GTSE1: variants seen among roughly 807,000 people sequenced by gnomAD.
GTSE1 encodes G2 and S phase-expressed protein 1.
A neutral mutation model predicts 60.5 loss-of-function variants in GTSE1; 52 were observed. The ratio of observed to expected loss-of-function variants is 0.86; its 90% CI spans 0.69 to 1.08. The LOEUF (loss-of-function observed/expected upper bound fraction) is 1.08, where lower values mean the gene tolerates loss of function less well. Among genes scored for constraint, GTSE1 ranks in the 50% least tolerant of loss-of-function variants. The probability of loss-of-function intolerance (pLI) is 0.00; values close to 1 mark genes in which losing one functional copy is unlikely to be tolerated. For missense variants in GTSE1, 937 were observed against 961.8 expected, an observed-to-expected ratio of 0.97 and a Z score of 0.34; for synonymous variants, 368 against 386.5, an observed-to-expected ratio of 0.95 and a Z score of 0.56.
In GTSE1 at chr22:46,316,282, T is replaced by C; in HGVS notation, c.1302T>C (p.Ser434=). 1 of 1,613,960 alleles carries C rather than the reference T, an allele frequency of 6.2e-7. No homozygotes were observed. Among genetic ancestry groups the C allele is most frequent in the South Asian group, 1.1e-5 (1 of 91,092 alleles). ...GTGGCGGCCAGTGGCTGAACTCCAG[T>C]TGCGCTTGGTCAGAATCTTCTCAAT... is the stretch of plus-strand genomic sequence containing the variant. ...PEGGGQWLNS[S]CAWSESSQLN... The change falls in exon 7 of 12, where the codon AGT becomes AGC. Residue 434 remains serine, a synonymous_variant. Coordinates refer to ENST00000454366, the MANE Select transcript of GTSE1 (RefSeq NM_016426.7). This position sits in a 1 kb window ranked among gnomAD's most constrained non-coding sequence, Gnocchi z 5.0.
intron 2 of GTSE1, among the ~76,000 whole-genome samples, chr22:46,301,680 G>A (rs2077690071): frequency 6.6e-6 from 1 of 151,676 alleles, no homozygotes; most frequent in African/African-American, 2.4e-5. Flanking sequence ...GTAAAGATGA[G>A]GTTTCACCAT....
At chr22:46,305,127 T>G (rs745987176) in intron 2 of GTSE1, among the ~76,000 whole-genome samples, 2 of 152,228 alleles carry the variant, frequency 1.3e-5, no homozygotes, top group Non-Finnish European at 2.9e-5. Context: ...TCTGGAGTGA[T>G]GTAAATAGTA....
chr22:46,314,784 G>A lies in GTSE1; in HGVS notation c.1051+771G>A, dbSNP rs12170055. Among the ~76,000 whole-genome samples, 7,585 of 150,416 alleles carry A rather than the reference G, an allele frequency of 0.05. 647 individuals carry two copies. Among genetic ancestry groups the A allele is most frequent in the African/African-American group, 0.18 (7,168 of 40,816 alleles). ...CCAGCTACTCGGGAGACTGGGCCAC[G>A]AGAATGGCTTGAACGCGGGAGGCAG... On this transcript the variant is annotated intron_variant, in intron 6 of 11. Coordinates refer to ENST00000454366, the MANE Select transcript of GTSE1 (RefSeq NM_016426.7). This position sits in a 1 kb window ranked among gnomAD's most constrained non-coding sequence, Gnocchi z 7.1.
intron 2 of GTSE1, among the ~76,000 whole-genome samples, chr22:46,301,699 G>C (rs1403910950): frequency 4.0e-5 from 6 of 151,858 alleles, no homozygotes. Context: ...ATGTTGGCCA[G>C]GCTGGTCTCG....
chr22:46,297,349 A>C lies in GTSE1; in HGVS notation c.-21-31A>C. The C allele has an allele frequency of 8.2e-7, 1 of 1,226,778 alleles. No homozygotes were observed. 76.0% of individuals were successfully genotyped at this position (1,226,778 alleles called of 1,614,324 possible). A position where few individuals can be genotyped will look rare whatever the true frequency, so the allele number is the denominator to read the frequency against. On this transcript the variant is annotated intron_variant, in intron 1 of 11. Coordinates refer to ENST00000454366, the MANE Select transcript of GTSE1 (RefSeq NM_016426.7). This position sits in a 1 kb window ranked among gnomAD's most constrained non-coding sequence, Gnocchi z 4.9. ...GCCGGAGCCCTGGGCCCTGACACGTACTCACTTTCTGGCCCCGTTCCACCC... is the reference window on the plus strand; with the variant it reads ...GCCGGAGCCCTGGGCCCTGACACGTCCTCACTTTCTGGCCCCGTTCCACCC...
rs2077845910 is a variant in GTSE1, at chr22:46,326,606, T to C, written c.1676T>C (p.Val559Ala). 1 of 1,613,452 alleles carries C rather than the reference T, an allele frequency of 6.2e-7. No homozygotes were observed. Among genetic ancestry groups the C allele is most frequent in the African/African-American group, 1.3e-5 (1 of 74,928 alleles). The change falls in exon 9 of 12, where the codon GTG (valine) becomes GCG (alanine). Residue 559 changes from valine (V) to alanine (A), a missense_variant. Coordinates refer to ENST00000454366, the MANE Select transcript of GTSE1 (RefSeq NM_016426.7). The part of the protein sequence containing the change: ...MPRAVGSPLC[V>A]PARRRSSEPR... ...AGGGCCGTGGGCTCTCCCCTGTGTG[T>C]GCCAGCTCGGAGACGTTCCTCTGAG...
intron 2 of GTSE1, among the ~76,000 whole-genome samples, chr22:46,298,070 C>T (rs998502786): frequency 1.3e-5 from 2 of 151,988 alleles, no homozygotes; most frequent in African/African-American, 4.8e-5. Context: ...TGAAGGGATT[C>T]TCCTGCCTCA....
chr22:46,300,635 T>G (rs567080959), intron 2 of GTSE1, among the ~76,000 whole-genome samples: 1 of 152,188 alleles, frequency 6.6e-6, no homozygotes, highest in Admixed American at 6.5e-5. Flanking sequence ...GTGGGCTGCA[T>G]GTACCCCAAG....
chr22:46,305,012 G>A (rs150641122), intron 2 of GTSE1, among the ~76,000 whole-genome samples: 96 of 152,298 alleles, frequency 6.3e-4, no homozygotes, highest in African/African-American at 2.2e-3. Flanking sequence ...GCTGATGTAA[G>A]TAAGGCTGGT....
At chr22:46,326,718 C>T (rs1428857292) in intron 9 of GTSE1, 64 bp downstream of exon 9, 2 of 1,155,656 alleles carry the variant, frequency 1.7e-6, no homozygotes, top group South Asian at 1.5e-5. Context: ...CAGACAGTGA[C>T]ATACCTTTTT....
chr22:46,322,530 A>G (rs939976702), intron 7 of GTSE1, among the ~76,000 whole-genome samples: 3 of 151,696 alleles, frequency 2.0e-5, no homozygotes, highest in Non-Finnish European at 4.4e-5. Context: ...AGGAGGAGGA[A>G]CCATGGAGCC....
Position 46,308,473 on chromosome 22 carries a change from T to A in GTSE1, c.292T>A (p.Phe98Ile). ...FAWSPLAGEK[F>I]VEVYKEAHLL... ...CTGGAGCCCTCTGGCCGGGGAGAAG[T>A]TCGTGGAGGTGTACAAAGAAGCTCA... Residue 98 changes from phenylalanine (F) to isoleucine (I), a missense_variant, in exon 4 of 12, where the codon TTC becomes ATC. Phe to Ile is a conservative substitution (Grantham distance 21, BLOSUM62 0). Coordinates refer to ENST00000454366, the MANE Select transcript of GTSE1 (RefSeq NM_016426.7). 1 of 1,614,136 alleles carries A rather than the reference T, an allele frequency of 6.2e-7. No homozygotes were observed. Among genetic ancestry groups the A allele is most frequent in the South Asian group, 1.1e-5 (1 of 91,082 alleles).
rs1601910789 is a variant in GTSE1, at chr22:46,316,320, G to C, written c.1340G>C (p.Arg447Thr). ...GAATCTTCTCAATTGAATAAGACTA[G>C]AAGTATCAGACGGCGAGATTCCTGT... ...WSESSQLNKT[R>T]SIRRRDSCLN... Residue 447 changes from arginine to threonine, a missense_variant, in exon 7 of 12, where the codon AGA becomes ACA. Physicochemically the swap from Arg to Thr is moderately conservative, Grantham distance 71. Transcript: ENST00000454366. This position sits in a 1 kb window ranked among gnomAD's most constrained non-coding sequence, Gnocchi z 5.0. 3.1e-6 allele frequency: 5 copies of C among 1,613,818 alleles called. No individual in the cohort carries two copies. The highest frequency in any genetic ancestry group is 3.4e-6 in the Non-Finnish European group (4 of 1,179,712).
In GTSE1 at chr22:46,322,967, A is replaced by G. The variant is rs537726141; in HGVS notation, c.1433-223A>G. Among the ~76,000 whole-genome samples, 9 of 152,356 alleles carry G rather than the reference A, an allele frequency of 5.9e-5. No individual in the cohort carries two copies. The South Asian group carries it at 1.9e-3, about 32-fold the overall frequency. On this transcript the variant is annotated intron_variant, in intron 7 of 11. Coordinates refer to ENST00000454366, the MANE Select transcript of GTSE1 (RefSeq NM_016426.7). Reference sequence around the variant, plus strand: ...CTCCCCCGTGTCCATCCATCAGACCACAGCCTTTGCCTGGGCAGGGGTCCC... The same window carrying G: ...CTCCCCCGTGTCCATCCATCAGACCGCAGCCTTTGCCTGGGCAGGGGTCCC...
At chr22:46,307,560 G>C (rs1158928131) in intron 2 of GTSE1, among the ~76,000 whole-genome samples, 1 of 151,996 alleles carries the variant, frequency 6.6e-6, no homozygotes, top group African/African-American at 2.4e-5. Flanking sequence ...CTGGAGTGCA[G>C]TGGTGCCATC....
At chr22:46,326,704 G>A in intron 9 of GTSE1, 50 bp downstream of exon 9, 1 of 1,300,008 alleles carries the variant, frequency 7.7e-7, no homozygotes, top group Non-Finnish European at 1.1e-6. Context: ...TAGGCTTGCT[G>A]TCCCAGACAG....
chr22:46,304,041 T>A lies in GTSE1; in HGVS notation c.80-4109T>A, dbSNP rs1490487801. On this transcript the variant is annotated intron_variant, in intron 2 of 11. Transcript: ENST00000454366. The surrounding 1 kb of genome is among the most constrained non-coding windows in gnomAD (Gnocchi z 4.4). ...TTTGTTTTGAGACAGTGTCTCTTGCTCTATTGCCCAGGATGGAGTGCAGTG... is the reference window on the plus strand; with the variant it reads ...TTTGTTTTGAGACAGTGTCTCTTGCACTATTGCCCAGGATGGAGTGCAGTG... Among the ~76,000 whole-genome samples, 1 of 152,164 alleles carries A rather than the reference T, an allele frequency of 6.6e-6. No homozygotes were observed. The highest frequency in any genetic ancestry group is 6.5e-5 in the Admixed American group (1 of 15,270).
intron 2 of GTSE1, among the ~76,000 whole-genome samples, chr22:46,305,990 G>A (rs559297707): frequency 2.0e-5 from 3 of 152,180 alleles, no homozygotes; most frequent in East Asian, 3.9e-4. Flanking sequence ...GCATGAAGTT[G>A]ACAGATGTGC....
intron 4 of GTSE1, 78 bp from the exon 5 acceptor site, chr22:46,312,063 G>T (rs952694571): frequency 8.0e-7 from 1 of 1,247,952 alleles, no homozygotes; most frequent in Non-Finnish European, 1.1e-6. Flanking sequence ...GCCTAGGCTC[G>T]CTCTGAATGG....
Sources: gnomAD v4.1 joint callset for allele counts (sites outside exome capture counted in the v4.1 genomes callset) on GRCh38, gnomAD v4.1.1 for gene constraint, Gnocchi (gnomAD v3.1) non-coding constraint, MANE v1.5 for transcripts, NCBI Gene and HGNC (gene_info 2026-07-23, HGNC 2026-07-21) for gene names.